PPP6R2: variants seen among roughly 807,000 people sequenced by gnomAD.
The protein encoded by PPP6R2 is protein phosphatase 6 regulatory subunit 2, also known as serine/threonine-protein phosphatase 6 regulatory subunit 2.
In PPP6R2, 62 loss-of-function variants were observed where a neutral mutation model predicts 100.2. That is an observed-to-expected ratio of 0.62 (90% CI 0.50 to 0.76). The LOEUF (loss-of-function observed/expected upper bound fraction) is 0.76. Among genes scored for constraint, PPP6R2 ranks in the 30% least tolerant of loss-of-function variants. The pLI, the probability that PPP6R2 is intolerant of heterozygous loss-of-function variation, is 0.00. For missense variants in PPP6R2, 1,142 were observed against 1,276.3 expected, an observed-to-expected ratio of 0.89 and a Z score of 1.60; for synonymous variants, 525 against 514.7, an observed-to-expected ratio of 1.02 and a Z score of -0.27.
At chr22:50,432,459 G>C (rs2148134158) in intron 12 of PPP6R2, 130 bp downstream of exon 12, 1 of 866,702 alleles carries the variant, frequency 1.2e-6, no homozygotes, top group Admixed American at 2.2e-5. Context: ...GTGCGACGTG[G>C]CTCCACGTTC....
chr22:50,444,178 A>AACCCC (rs764295452), intron 23 of PPP6R2, 21 bp from the exon 24 acceptor site: 16 of 1,612,848 alleles, frequency 9.9e-6, no homozygotes, highest in African/African-American at 1.3e-5. Context: ...GCACGGTTCC[A>AACCCC]ACCCCACCCC....
intron 4 of PPP6R2, among the ~76,000 whole-genome samples, chr22:50,408,625 G>GT (rs949294015): frequency 1.1e-4 from 17 of 152,142 alleles, no homozygotes; most frequent in Non-Finnish European, 2.5e-4. Flanking sequence ...AGTAGATGTT[G>GT]TAAAAACCTT....
chr22:50,417,716 T>C (rs7410303), intron 6 of PPP6R2, among the ~76,000 whole-genome samples: 57,647 of 151,874 alleles, frequency 0.38, 11,357 homozygotes, highest in East Asian at 0.67. Context: ...TGTTGGCGTC[T>C]GTAGGAAGCA....
At chr22:50,398,057 G>A (rs1406059616) in intron 3 of PPP6R2, among the ~76,000 whole-genome samples, 3 of 152,202 alleles carry the variant, frequency 2.0e-5, no homozygotes, top group Non-Finnish European at 2.9e-5. Flanking sequence ...TGAAAGTCAG[G>A]TGTGGTGGCT....
chr22:50,444,704 C>A lies in PPP6R2; in HGVS notation c.*457C>A, dbSNP rs141118790. ...TTTGTATCCAGCTGCAAGCTCAGGG[C>A]AGAGTCAAGGGCCTGGGTTGGAAAA... On this transcript the variant is annotated 3_prime_UTR_variant, in exon 24 of 24. Transcript: ENST00000612753. 3.0e-3 allele frequency: 553 copies of A among 186,042 alleles called. 2 individuals carry two copies. The highest frequency in any genetic ancestry group is 4.5e-3 in the Non-Finnish European group (406 of 90,770). 11.5% of individuals were successfully genotyped at this position (186,042 alleles called of 1,614,324 possible). A position where few individuals can be genotyped will look rare whatever the true frequency, so the allele number is the denominator to read the frequency against.
At chr22:50,437,181 G>A in intron 15 of PPP6R2, 113 bp downstream of exon 15, 1 of 1,115,596 alleles carries the variant, frequency 9.0e-7, no homozygotes, top group South Asian at 1.4e-5. Flanking sequence ...GGGGAGCGGG[G>A]GCTCGTCTCC....
chr22:50,395,389 G>T (rs1038079046), intron 3 of PPP6R2, among the ~76,000 whole-genome samples: 1 of 152,072 alleles, frequency 6.6e-6, no homozygotes, highest in African/African-American at 2.4e-5. Context: ...AGAACAGGGC[G>T]GAGCTGGCCT....
chr22:50,443,641 G>A (rs1349787073), intron 22 of PPP6R2: 3 of 606,316 alleles, frequency 4.9e-6, no homozygotes, highest in Admixed American at 3.0e-5. Flanking sequence ...GGAGGTTTGA[G>A]GTCATCAATG....
At chr22:50,332,844 G>C in the PPP6R2 span, among the ~76,000 whole-genome samples, 2 of 152,012 alleles carry the variant, frequency 1.3e-5, no homozygotes, top group African/African-American at 4.8e-5. Flanking sequence ...GGATGGTCTT[G>C]ATCTCTTGAC....
rs1569493664 is a variant in PPP6R2, at chr22:50,438,129, T to A, written c.1840-45T>A. ...CTCTATGGGGAGAGCGGCTCCTGTC[T>A]CCCCCAGACCCTCTGGAAACTCACC... On this transcript the variant is annotated intron_variant, in intron 17 of 23. Transcript: ENST00000612753. 5 of 1,578,690 alleles carry A rather than the reference T, an allele frequency of 3.2e-6. 1 individual carries two copies. The Admixed American group carries it at 9.1e-5, about 29-fold the overall frequency.
At position 50,391,229 on chromosome 22, in the gene PPP6R2, C is replaced by T. The variant is rs1037938886; in HGVS notation, c.-16-2664C>T. On this transcript the variant is annotated intron_variant, in intron 2 of 23. Transcript: ENST00000612753. Reference sequence around the variant, plus strand: ...TGGGCGGATCACGAGGTCAGGAGTTCGAGACCAGCCTGACCAGTATGGTGA... The same window carrying T: ...TGGGCGGATCACGAGGTCAGGAGTTTGAGACCAGCCTGACCAGTATGGTGA... 7.3e-5 allele frequency among the ~76,000 whole-genome samples: 11 copies of T among 151,660 alleles called. No homozygotes were observed. In the South Asian group the frequency reaches 1.5e-3, roughly 20 times the overall value.
chr22:50,360,260 C>T (rs1415759211), intron 1 of PPP6R2, among the ~76,000 whole-genome samples: 2 of 151,786 alleles, frequency 1.3e-5, no homozygotes, highest in Non-Finnish European at 2.9e-5. Context: ...ACCGTGTTGG[C>T]CAGGATGGTC....
At chr22:50,364,261 G>C (rs1440981337) in intron 1 of PPP6R2, among the ~76,000 whole-genome samples, 1 of 152,070 alleles carries the variant, frequency 6.6e-6, no homozygotes, top group African/African-American at 2.4e-5. Flanking sequence ...CTGTATAAAT[G>C]GGAACTTGGT....
chr22:50,356,193 T>A (rs997042943), intron 1 of PPP6R2, among the ~76,000 whole-genome samples: 2 of 151,652 alleles, frequency 1.3e-5, no homozygotes, highest in African/African-American at 4.8e-5. Context: ...CTCGATCTCC[T>A]GACCTCGTGA....
intron 2 of PPP6R2, among the ~76,000 whole-genome samples, chr22:50,383,367 GT>G (rs1470246694): frequency 1.3e-5 from 2 of 152,176 alleles, no homozygotes; most frequent in East Asian, 3.8e-4. Flanking sequence ...TTATTCTGCT[GT>G]TTGGGTAAAG....
chr22:50,438,326 C>A, intron 18 of PPP6R2, 28 bp downstream of exon 18: 1 of 1,599,660 alleles, frequency 6.3e-7, no homozygotes. Flanking sequence ...CCCCACAAAG[C>A]CTCTGCCGAG....
chr22:50,380,183 C>T (rs1423284599), intron 2 of PPP6R2, among the ~76,000 whole-genome samples: 7 of 151,472 alleles, frequency 4.6e-5, no homozygotes, highest in Admixed American at 1.3e-4. Context: ...GTAGAGACCC[C>T]GTGGTGATAG....
rs2065226703 is a variant in PPP6R2 at position 50,440,046 on chromosome 22, G to T, written c.2371G>T (p.Ala791Ser). 6.2e-7 allele frequency: 1 copy of T among 1,612,184 alleles called. No individual in the cohort carries two copies. Among genetic ancestry groups the T allele is most frequent in the East Asian group, 2.2e-5 (1 of 44,878 alleles). The stretch of plus-strand genomic sequence containing the variant: ...CAGCCGGAGCCAAGGCCCTGAGAAA[G>T]CCTGTGAGTAGGAGCAGTGCAGGCG... ...EGSRSQGPEK[A>S]FSPASPCAWN... is the part of the protein sequence containing the mutation. Residue 791 changes from alanine (A) to serine (S), a missense_variant, in exon 21 of 24, where the codon GCC becomes TCC. Transcript: ENST00000612753.
chr22:50,374,600 G>A (rs1041345427), intron 2 of PPP6R2, among the ~76,000 whole-genome samples: 1 of 152,086 alleles, frequency 6.6e-6, no homozygotes, highest in Non-Finnish European at 1.5e-5. Flanking sequence ...ATCACAATAT[G>A]TCCCAATCAA....
Sources: allele counts gnomAD v4.1 joint callset (sites outside exome capture counted in the v4.1 genomes callset), GRCh38; gene constraint gnomAD v4.1.1; transcripts MANE v1.5; gene names NCBI Gene and HGNC (gene_info 2026-07-23, HGNC 2026-07-21).